The following LRRC37A2 variants were observed in gnomAD, a reference collection of about 807,000 sequenced individuals.
The protein encoded by LRRC37A2 is leucine rich repeat containing 37 member A2.
Under a neutral mutation model 68.8 loss-of-function variants are expected in LRRC37A2, and 9 were observed. The ratio of observed to expected loss-of-function variants is 0.13; its 90% CI spans 0.08 to 0.23. The LOEUF is 0.23. LRRC37A2 is among the 10% of genes least tolerant of loss of function. The pLI is 1.00. For synonymous variants in LRRC37A2, 63 were observed against 367.6 expected, an observed-to-expected ratio of 0.17 and a Z score of 9.48; for missense variants, 168 against 950.4, an observed-to-expected ratio of 0.18 and a Z score of 10.82.
At chr17:46,819,514 G>A in the LRRC37A2 span, among the ~76,000 whole-genome samples, 1 of 152,184 alleles carries the variant, frequency 6.6e-6, no homozygotes, top group South Asian at 2.1e-4. This position sits in a 1 kb window ranked among gnomAD's most constrained non-coding sequence, Gnocchi z 5.3. Flanking sequence ...TCGGAGGCGT[G>A]ACCCACAGCC....
At chr17:46,930,882 T>G in the LRRC37A2 span, 1 of 523,246 alleles carries the variant, frequency 1.9e-6, no homozygotes, top group Non-Finnish European at 3.4e-6. Context: ...ATTGGCATTG[T>G]TATGTCATTA....
chr17:46,886,651 G>A, the LRRC37A2 span: 1 of 152,220 alleles, frequency 6.6e-6, no homozygotes, highest in Non-Finnish European at 1.5e-5. Flanking sequence ...TCATGTTGCT[G>A]GTTGGAGTTC....
chr17:46,936,412 C>G, the LRRC37A2 span: 3 of 985,152 alleles, frequency 3.0e-6, no homozygotes, highest in Non-Finnish European at 3.6e-6. Flanking sequence ...CACACTGATA[C>G]CAGAGGGGAA....
At chr17:46,911,832 G>A in the LRRC37A2 span, among the ~76,000 whole-genome samples, 3 of 152,278 alleles carry the variant, frequency 2.0e-5, no homozygotes, top group Non-Finnish European at 2.9e-5. Flanking sequence ...GCAGTAAGCC[G>A]AGATCACGCC....
the LRRC37A2 span, among the ~76,000 whole-genome samples, chr17:46,945,149 C>T: frequency 1.3e-5 from 2 of 152,126 alleles, no homozygotes; most frequent in Admixed American, 6.5e-5. Context: ...TGGGAGCAGT[C>T]GAGGGGCAGG....
At chr17:46,984,817 GA>G in the LRRC37A2 span, among the ~76,000 whole-genome samples, 81 of 152,300 alleles carry the variant, frequency 5.3e-4, no homozygotes, top group African/African-American at 1.6e-3. Context: ...CCATTTTAAT[GA>G]AGAGATAAGA....
chr17:46,707,688 A>G, the LRRC37A2 span, among the ~76,000 whole-genome samples: 27 of 152,136 alleles, frequency 1.8e-4, no homozygotes, highest in Non-Finnish European at 3.1e-4. Context: ...TCAAGGGTCA[A>G]CCATCTTGCA....
chr17:46,496,778 G>A, the LRRC37A2 span, among the ~76,000 whole-genome samples: 1 of 133,738 alleles, frequency 7.5e-6, no homozygotes, highest in Non-Finnish European at 1.6e-5. Flanking sequence ...AGCCAGGCAC[G>A]GTGGCAGCTG....
At chr17:46,940,124 T>C in the LRRC37A2 span, 1 of 1,233,454 alleles carries the variant, frequency 8.1e-7, no homozygotes, top group Admixed American at 3.8e-5. Flanking sequence ...TCACCTCTCT[T>C]GTTCCCCTCC....
chr17:46,923,607 G>A, the LRRC37A2 span: 23 of 1,268,954 alleles, frequency 1.8e-5, no homozygotes, highest in Middle Eastern at 1.2e-3. Flanking sequence ...GGCCGTAGGA[G>A]TGTACTGTTT....
the LRRC37A2 span, among the ~76,000 whole-genome samples, chr17:46,572,993 G>C: frequency 1.2e-4 from 3 of 25,708 alleles, no homozygotes; most frequent in African/African-American, 2.3e-4. Flanking sequence ...GAGGGAGGGA[G>C]GGAGGAAGGG....
chr17:46,790,219 G>A, the LRRC37A2 span, among the ~76,000 whole-genome samples: 1 of 152,102 alleles, frequency 6.6e-6, no homozygotes, highest in Non-Finnish European at 1.5e-5. Context: ...TGCAACAGGC[G>A]CCTGGGTTTG....
the LRRC37A2 span, chr17:46,749,652 G>C: frequency 2.3e-6 from 2 of 867,666 alleles, no homozygotes; most frequent in Non-Finnish European, 3.4e-6. Context: ...CTTCTGTTTT[G>C]CCTAATCATT....
the LRRC37A2 span, chr17:46,757,403 A>C: frequency 6.6e-6 from 1 of 152,618 alleles, no homozygotes; most frequent in Non-Finnish European, 1.5e-5. Context: ...CCAAAACTGT[A>C]TTGAAAAAAT....
At chr17:46,739,455 C>T in the LRRC37A2 span, among the ~76,000 whole-genome samples, 2 of 148,848 alleles carry the variant, frequency 1.3e-5, no homozygotes, top group Non-Finnish European at 3.0e-5. Context: ...GGGAGAATCA[C>T]CTGAGCCCAG....
the LRRC37A2 span, among the ~76,000 whole-genome samples, chr17:46,952,019 G>T: frequency 6.6e-6 from 1 of 152,130 alleles, no homozygotes; most frequent in Non-Finnish European, 1.5e-5. Flanking sequence ...ATATAACTTC[G>T]TATATATTGC....
chr17:46,830,836 T>G, the LRRC37A2 span: 1 of 398,186 alleles, frequency 2.5e-6, no homozygotes. Context: ...TCTCCTTCAC[T>G]CCTTCTGAGT....
At chr17:46,806,095 G>A in the LRRC37A2 span, among the ~76,000 whole-genome samples, 3 of 152,120 alleles carry the variant, frequency 2.0e-5, no homozygotes, top group Non-Finnish European at 2.9e-5. Context: ...CATCATAAGC[G>A]AGGAATTACT....
At chr17:46,988,683 C>T in the LRRC37A2 span, among the ~76,000 whole-genome samples, 1 of 152,096 alleles carries the variant, frequency 6.6e-6, no homozygotes, top group Non-Finnish European at 1.5e-5. Context: ...CATGATGAGT[C>T]TGAGGTGACC....
Sources: allele counts gnomAD v4.1 joint callset (sites outside exome capture counted in the v4.1 genomes callset), GRCh38; gene constraint gnomAD v4.1.1; non-coding constraint Gnocchi (gnomAD v3.1); transcripts MANE v1.5; gene names NCBI Gene and HGNC (gene_info 2026-07-23, HGNC 2026-07-21).